Variants in CEP63 observed in about 807,000 individuals in gnomAD.
The protein encoded by CEP63 is centrosomal protein 63, also known as centrosomal protein of 63 kDa.
In CEP63, 84 loss-of-function variants were observed where a neutral mutation model predicts 89.1. That is an observed-to-expected ratio of 0.94 (90% CI 0.79 to 1.13). CEP63 has a LOEUF of 1.13. CEP63 is among the 50% of genes most tolerant of loss of function. The pLI is 0.00. For synonymous variants in CEP63, 267 were observed against 272.5 expected (o/e 0.98, Z 0.20); for missense variants, 838 against 813.3 (o/e 1.03, Z -0.37).
In CEP63 at chr3:134,545,679, A is replaced by G; in HGVS notation, c.649A>G (p.Asn217Asp). Residue 217 changes from asparagine to aspartate, a missense_variant, in exon 7 of 15, where the codon AAT becomes GAT. Physicochemically the swap from Asn to Asp is conservative, Grantham distance 23 (BLOSUM62 1). Transcript: ENST00000675561. ...CTTAAGCAGTAAACTGGAGCGGGCT[A>G]ATGACACTATCTGTGCCAATGAGTT... is the stretch of plus-strand genomic sequence containing the variant. Reference protein sequence around the residue: ...QHLSSKLERANDTICANELEI... With the variant: ...QHLSSKLERADDTICANELEI... The G allele has an allele frequency of 3.1e-6, 5 of 1,614,138 alleles. No individual in the cohort carries two copies. Among genetic ancestry groups the G allele is most frequent in the East Asian group, 4.5e-5 (2 of 44,854 alleles).
chr3:134,687,421 T>G, the CEP63 span, among the ~76,000 whole-genome samples: 1 of 152,210 alleles, frequency 6.6e-6, no homozygotes, highest in Non-Finnish European at 1.5e-5. Flanking sequence ...GTGCAGCTTA[T>G]TGCCTAGGTG....
the CEP63 span, among the ~76,000 whole-genome samples, chr3:134,722,319 GTACAGTATTCTCCTATACTGTATATA>G: frequency 6.8e-6 from 1 of 147,482 alleles, no homozygotes; most frequent in Non-Finnish European, 1.5e-5. Context: ...TATATATACA[GTACAGTATTCTCCTATACTGTATATA>G]TACAGTATAG....
chr3:134,626,891 C>G, the CEP63 span, among the ~76,000 whole-genome samples: 2 of 152,214 alleles, frequency 1.3e-5, no homozygotes, highest in African/African-American at 4.8e-5. Flanking sequence ...TTTCAGTGCC[C>G]TCTTGCTCTG....
chr3:134,492,164 C>T (rs1256503214), intron 1 of CEP63, among the ~76,000 whole-genome samples: 1 of 148,400 alleles, frequency 6.7e-6, no homozygotes, highest in African/African-American at 2.5e-5. Flanking sequence ...AGCTCCGCCT[C>T]CCGGGTTCAC....
At chr3:134,724,510 C>A in the CEP63 span, among the ~76,000 whole-genome samples, 1 of 152,212 alleles carries the variant, frequency 6.6e-6, no homozygotes, top group African/African-American at 2.4e-5. Flanking sequence ...CATGAATGTG[C>A]CCATTGGCAC....
the CEP63 span, among the ~76,000 whole-genome samples, chr3:134,763,268 C>A: frequency 6.6e-6 from 1 of 152,018 alleles, no homozygotes; most frequent in Admixed American, 6.6e-5. Context: ...GTGTGATGTT[C>A]CCCTTCCTGT....
chr3:134,575,829 T>A (rs1276471314), downstream of CEP63, among the ~76,000 whole-genome samples: 1 of 152,060 alleles, frequency 6.6e-6, no homozygotes, highest in African/African-American at 2.4e-5. Flanking sequence ...CCCAGGCTGG[T>A]CTCGAACTCC....
At chr3:134,595,767 C>A in the CEP63 span, among the ~76,000 whole-genome samples, 1 of 152,178 alleles carries the variant, frequency 6.6e-6, no homozygotes, top group South Asian at 2.1e-4. Context: ...GATACCACTT[C>A]GTGGTGCTTT....
the CEP63 span, among the ~76,000 whole-genome samples, chr3:134,723,899 TG>T: frequency 6.6e-6 from 1 of 152,226 alleles, no homozygotes; most frequent in African/African-American, 2.4e-5. Flanking sequence ...AAGAGTATTT[TG>T]GAGAATGAAG....
the CEP63 span, among the ~76,000 whole-genome samples, chr3:134,715,515 G>GATTTTT: frequency 6.8e-6 from 1 of 146,364 alleles, no homozygotes; most frequent in Non-Finnish European, 1.5e-5. Context: ...GCCAGGAAAG[G>GATTTTT]TTTTTTTTTT....
intron 2 of CEP63, among the ~76,000 whole-genome samples, chr3:134,496,440 G>GGT (rs1286792806): frequency 6.7e-6 from 1 of 148,220 alleles, no homozygotes; most frequent in African/African-American, 2.5e-5. Flanking sequence ...AAGGGGGGGG[G>GGT]GGCTAAAGAA....
intron 11 of CEP63, among the ~76,000 whole-genome samples, chr3:134,571,901 T>C (rs942638213): frequency 1.3e-5 from 2 of 152,222 alleles, no homozygotes; most frequent in African/African-American, 2.4e-5. Flanking sequence ...TTTTAATATG[T>C]CCATCACAAT....
the CEP63 span, among the ~76,000 whole-genome samples, chr3:134,655,792 G>C: frequency 6.6e-6 from 1 of 152,208 alleles, no homozygotes; most frequent in Non-Finnish European, 1.5e-5. Context: ...CAAGACCTCT[G>C]TTGAGGTTCT....
chr3:134,487,176 G>A (rs1180043190), intron 1 of CEP63, among the ~76,000 whole-genome samples: 1 of 152,130 alleles, frequency 6.6e-6, no homozygotes, highest in Non-Finnish European at 1.5e-5. Context: ...TTAGATACGA[G>A]GAAATCATAA....
At chr3:134,748,625 T>G in the CEP63 span, among the ~76,000 whole-genome samples, 46,427 of 151,984 alleles carry the variant, frequency 0.31, 7,360 homozygotes, top group South Asian at 0.51. Flanking sequence ...GCAGTAACAG[T>G]AAACCCAACA....
At chr3:134,524,667 A>G (rs1428911002) in intron 3 of CEP63, among the ~76,000 whole-genome samples, 1 of 152,166 alleles carries the variant, frequency 6.6e-6, no homozygotes, top group African/African-American at 2.4e-5. Flanking sequence ...AGTTCTGTTT[A>G]TGTGATGAAT....
intron 5 of CEP63, chr3:134,535,665 A>T (rs899636056): frequency 9.2e-5 from 14 of 152,154 alleles, no homozygotes; most frequent in Non-Finnish European, 1.8e-4. Context: ...CTCCACTATG[A>T]TGTCTAAAAT....
At chr3:134,627,645 C>T in the CEP63 span, 1 of 915,550 alleles carries the variant, frequency 1.1e-6, no homozygotes, top group Non-Finnish European at 1.8e-6. Context: ...CAAAGGTGGC[C>T]CCAGCCTCTC....
At chr3:134,540,868 T>G (rs1196226127) in intron 6 of CEP63, among the ~76,000 whole-genome samples, 1 of 151,168 alleles carries the variant, frequency 6.6e-6, no homozygotes, top group African/African-American at 2.4e-5. Context: ...GACTGCAACC[T>G]CTGCCTCCCT....
Sources: allele counts gnomAD v4.1 joint callset (sites outside exome capture counted in the v4.1 genomes callset), GRCh38; gene constraint gnomAD v4.1.1; transcripts MANE v1.5; gene names NCBI Gene and HGNC (gene_info 2026-07-23, HGNC 2026-07-21).